The following BEND7 variants were observed in gnomAD, a reference collection of about 807,000 sequenced individuals.
BEND7 encodes BEN domain containing 7, also known as BEN domain-containing protein 7.
In BEND7, 28 loss-of-function variants were observed where a neutral mutation model predicts 50.9. The observed-to-expected ratio is 0.55, with a 90% CI of 0.41 to 0.75. BEND7 has a LOEUF of 0.75. BEND7 is among the 30% of genes least tolerant of loss of function. The pLI, the probability that BEND7 is intolerant of heterozygous loss-of-function variation, is 0.00. For missense variants in BEND7, 477 were observed against 491.3 expected, an observed-to-expected ratio of 0.97 and a Z score of 0.28; for synonymous variants, 170 against 183.9, an observed-to-expected ratio of 0.92 and a Z score of 0.61.
intron 6 of BEND7, among the ~76,000 whole-genome samples, chr10:13,461,329 C>T (rs796655758): frequency 2.0e-5 from 3 of 152,270 alleles, no homozygotes; most frequent in African/African-American, 7.2e-5. Context: ...AGAGCTGGAA[C>T]GAAAGCCTCT....
At chr10:13,524,204 A>G (rs878017) in intron 2 of BEND7, among the ~76,000 whole-genome samples, 72,312 of 152,108 alleles carry the variant, frequency 0.48, 18,232 homozygotes, top group African/African-American at 0.63. Context: ...GTAGTACACA[A>G]CAGAAAGTGC....
chr10:13,488,783 G>C (rs759048136), intron 5 of BEND7, among the ~76,000 whole-genome samples: 10 of 152,114 alleles, frequency 6.6e-5, no homozygotes, highest in Admixed American at 4.6e-4. Context: ...CACCGCGCCC[G>C]GCCTAAATAC....
Position 13,441,746 on chromosome 10 carries a change from G to C in BEND7, c.1239C>G (p.Val413=). Residue 413 remains valine (V), a synonymous_variant, in exon 9 of 9, where the codon GTC becomes GTG. Transcript: ENST00000466271. The stretch of plus-strand genomic sequence containing the variant: ...AGCTGTGGTTTGCAGTCCTTCATCA[G>C]ACCACTTGAGAAAACAAAGGGACTG... ...LDGIALPPTV[V] is the part of the protein sequence containing the mutation. 1 of 1,613,882 alleles carries C rather than the reference G, an allele frequency of 6.2e-7. No homozygotes were observed. The highest frequency in any genetic ancestry group is 8.5e-7 in the Non-Finnish European group (1 of 1,179,870).
rs1359763700 is a variant in BEND7 at position 13,528,529 on chromosome 10, T to C, written c.5A>G (p.Glu2Gly). Reference protein sequence around the residue: MEFSERKRSRKS... With the variant: MGFSERKRSRKS... ...CCTGCTTCTTTTCCTCTCGGAGAAC[T>C]CCATGGTGCGGGGAAGGCGGCGGCG... The change falls in exon 1 of 9, where the codon GAG becomes GGG. Residue 2 changes from glutamate to glycine, a missense_variant. Glu to Gly is a moderately conservative substitution (Grantham distance 98). This residue lies in a region of BEND7 where 396 missense variants were observed against 384.2 expected (regional missense o/e 1.03). Transcript: ENST00000466271. 2.5e-5 allele frequency: 26 copies of C among 1,034,854 alleles called. No homozygotes were observed. The highest frequency in any genetic ancestry group is 3.0e-5 in the Non-Finnish European group (26 of 861,986). 64.1% of individuals were successfully genotyped at this position (1,034,854 alleles called of 1,614,324 possible).
intron 8 of BEND7, chr10:13,446,934 C>G: frequency 3.1e-6 from 1 of 321,744 alleles, no homozygotes; most frequent in Non-Finnish European, 5.7e-6. Flanking sequence ...ATTAGTGGTC[C>G]CCGTTTTAAG....
chr10:13,473,012 T>C (rs2075042313), intron 6 of BEND7, among the ~76,000 whole-genome samples: 1 of 152,224 alleles, frequency 6.6e-6, no homozygotes, highest in African/African-American at 2.4e-5. Context: ...GCTGTTACAC[T>C]CAGGGCCGAT....
chr10:13,518,268 C>A (rs1423483352), intron 2 of BEND7, among the ~76,000 whole-genome samples: 1 of 151,078 alleles, frequency 6.6e-6, no homozygotes, highest in East Asian at 2.0e-4. Flanking sequence ...AGCTGCTGCC[C>A]CCATGCGGGC....
intron 2 of BEND7, among the ~76,000 whole-genome samples, chr10:13,519,647 G>A (rs2078950884): frequency 6.6e-6 from 1 of 152,230 alleles, no homozygotes; most frequent in South Asian, 2.1e-4. Flanking sequence ...TATTACAGAA[G>A]ATGAGGAAAA....
At chr10:13,474,425 T>C (rs74122761) in intron 6 of BEND7, among the ~76,000 whole-genome samples, 1 of 152,266 alleles carries the variant, frequency 6.6e-6, no homozygotes, top group South Asian at 2.1e-4. Context: ...ACTGTTAGAC[T>C]CGGGGCCGAT....
At chr10:13,520,488 G>A (rs2079008709) in intron 2 of BEND7, among the ~76,000 whole-genome samples, 1 of 152,074 alleles carries the variant, frequency 6.6e-6, no homozygotes, top group Non-Finnish European at 1.5e-5. Flanking sequence ...GAAGGGCTTT[G>A]CCTTGATTCT....
intron 1 of BEND7, 110 bp from the exon 2 acceptor site, chr10:13,526,331 A>T: frequency 3.2e-6 from 1 of 309,972 alleles, no homozygotes; most frequent in Non-Finnish European, 5.5e-6. Flanking sequence ...ATAATTTATA[A>T]ATAAACTTTT....
chr10:13,513,164 G>A (rs1326219966), intron 2 of BEND7, among the ~76,000 whole-genome samples: 1 of 151,880 alleles, frequency 6.6e-6, no homozygotes, highest in African/African-American at 2.4e-5. Context: ...TTGTAGTGTC[G>A]GTGACAATCC....
intron 1 of BEND7, among the ~76,000 whole-genome samples, chr10:13,527,217 A>G (rs1412232698): frequency 7.1e-6 from 1 of 140,748 alleles, no homozygotes; most frequent in East Asian, 1.9e-4. Flanking sequence ...AGTAATCAAC[A>G]CGGATGTGGA....
downstream of BEND7, among the ~76,000 whole-genome samples, chr10:13,440,284 G>C (rs1241801819): frequency 6.6e-6 from 1 of 152,198 alleles, no homozygotes; most frequent in Non-Finnish European, 1.5e-5. Flanking sequence ...GTGGGTCCCT[G>C]ACACAAGGGA....
At chr10:13,480,522 T>A (rs1004672539) in intron 6 of BEND7, 14 of 603,834 alleles carry the variant, frequency 2.3e-5, no homozygotes, top group Non-Finnish European at 2.9e-5. Flanking sequence ...TATCTTTTTT[T>A]TTTTTTTAAG....
At chr10:13,514,337 AT>A (rs1293080859) in intron 2 of BEND7, among the ~76,000 whole-genome samples, 1 of 152,204 alleles carries the variant, frequency 6.6e-6, no homozygotes. Context: ...TGTGCAAGAG[AT>A]AAACCCACAT....
At chr10:13,470,485 G>A (rs77743350) in intron 6 of BEND7, among the ~76,000 whole-genome samples, 1 of 152,192 alleles carries the variant, frequency 6.6e-6, no homozygotes, top group Non-Finnish European at 1.5e-5. Context: ...GGGAGTTGGA[G>A]TGGAATCCTT....
chr10:13,470,657 G>A (rs748419829), intron 6 of BEND7, among the ~76,000 whole-genome samples: 4 of 152,078 alleles, frequency 2.6e-5, no homozygotes, highest in Non-Finnish European at 5.9e-5. Flanking sequence ...CCTTTTTTGA[G>A]CTTATGGAAG....
chr10:13,464,852 T>C (rs1044389749), intron 6 of BEND7, among the ~76,000 whole-genome samples: 10 of 152,216 alleles, frequency 6.6e-5, no homozygotes, highest in African/African-American at 2.4e-4. Context: ...CACACACTCT[T>C]TTGGGATAAG....
Sources: gnomAD v4.1 joint callset for allele counts (sites outside exome capture counted in the v4.1 genomes callset) on GRCh38, gnomAD v4.1.1 for gene constraint, gnomAD v4.1.1 regional missense constraint, MANE v1.5 for transcripts, NCBI Gene and HGNC (gene_info 2026-07-23, HGNC 2026-07-21) for gene names.